Variants in LMO3 observed in about 807,000 individuals in gnomAD.
The protein encoded by LMO3 is LIM domain only 3, also known as LIM domain only protein 3.
LMO3 carries 2 observed loss-of-function variants against 15.8 expected under a neutral mutation model. The observed-to-expected ratio is 0.13, with a 90% confidence interval of 0.05 to 0.40. The LOEUF is 0.40. LMO3 is among the 10% of genes least tolerant of loss of function. LMO3 has a pLI of 0.99. For missense variants in LMO3, 86 were observed against 182.2 expected, an observed-to-expected ratio of 0.47 and a Z score of 3.04; for synonymous variants, 62 against 63.8, an observed-to-expected ratio of 0.97 and a Z score of 0.13.
chr12:16,551,932 G>A (rs1942004446), intron 3 of LMO3, among the ~76,000 whole-genome samples: 1 of 151,880 alleles, frequency 6.6e-6, no homozygotes, highest in Non-Finnish European at 1.5e-5. Context: ...TTTGTTTGTG[G>A]CAAGTTCACC....
chr12:16,575,659 G>C (rs550070175), intron 2 of LMO3, among the ~76,000 whole-genome samples: 1 of 152,236 alleles, frequency 6.6e-6, no homozygotes, highest in East Asian at 1.9e-4. Flanking sequence ...CACATAGATA[G>C]ATAATAGGAG....
intron 1 of LMO3, chr12:16,601,814 T>G (rs2137710350): frequency 6.6e-6 from 1 of 152,268 alleles, no homozygotes; most frequent in South Asian, 2.1e-4. Context: ...TCCATGGGCT[T>G]TACAGTTTGA....
chr12:16,558,810 A>G (rs1188411138), intron 3 of LMO3, among the ~76,000 whole-genome samples: 1 of 152,200 alleles, frequency 6.6e-6, no homozygotes, highest in African/African-American at 2.4e-5. Flanking sequence ...GGTAAATTAT[A>G]AAGATAACTA....
chr12:16,592,032 T>C (rs1326237014), intron 2 of LMO3, among the ~76,000 whole-genome samples: 1 of 152,046 alleles, frequency 6.6e-6, no homozygotes, highest in Non-Finnish European at 1.5e-5. Flanking sequence ...GAAAAATAAC[T>C]TGCTCTTAAG....
chr12:16,582,694 G>A lies in LMO3; in HGVS notation c.206+17961C>T, dbSNP rs761972819. Among the ~76,000 whole-genome samples, 14 of 152,076 alleles carry A rather than the reference G, an allele frequency of 9.2e-5. No homozygotes were observed. Among genetic ancestry groups the A allele is most frequent in the East Asian group, 5.8e-4 (3 of 5,186 alleles). ...ATAAGTATACCACAACAAGATCACC[G>A]TTCCTAGGTACGGTCCCTCACTCTT... On this transcript the variant is annotated intron_variant, in intron 2 of 3. Coordinates refer to ENST00000537304, the MANE Select transcript of LMO3 (RefSeq NM_018640.5). This position sits in a 1 kb window ranked among gnomAD's most constrained non-coding sequence, Gnocchi z 4.1.
At chr12:16,568,330 A>T (rs1942690615) in intron 2 of LMO3, among the ~76,000 whole-genome samples, 1 of 152,220 alleles carries the variant, frequency 6.6e-6, no homozygotes, top group Admixed American at 6.5e-5. Context: ...GACTTGAGAT[A>T]CTCAGAGAAA....
At chr12:16,551,941 C>A (rs891509294) in intron 3 of LMO3, among the ~76,000 whole-genome samples, 2 of 151,924 alleles carry the variant, frequency 1.3e-5, no homozygotes, top group Non-Finnish European at 2.9e-5. Flanking sequence ...GGCAAGTTCA[C>A]CAACATGAAA....
rs1218262223 is a variant in LMO3, at chr12:16,603,009, C to T, written c.-8-2141G>A. ...GAAAAATCGAAAAAAAAAAAAATCCCAGTAGCAGCTAAGTTATATTTCCCA... is the reference window on the plus strand; with the variant it reads ...GAAAAATCGAAAAAAAAAAAAATCCTAGTAGCAGCTAAGTTATATTTCCCA... On this transcript the variant is annotated intron_variant, in intron 1 of 3. Coordinates refer to ENST00000537304, the MANE Select transcript of LMO3 (RefSeq NM_018640.5). The surrounding 1 kb of genome is among the most constrained non-coding windows in gnomAD (Gnocchi z 4.9). Among the ~76,000 whole-genome samples the T allele has an allele frequency of 6.6e-6, 1 of 151,854 alleles. No homozygotes were observed. Among genetic ancestry groups the T allele is most frequent in the African/African-American group, 2.4e-5 (1 of 41,338 alleles).
At chr12:16,590,016 A>G (rs1232875205) in intron 2 of LMO3, among the ~76,000 whole-genome samples, 3 of 152,088 alleles carry the variant, frequency 2.0e-5, no homozygotes, top group African/African-American at 7.2e-5. Context: ...TATAAGATTC[A>G]AAGCACATTT....
At chr12:16,562,051 T>A (rs943682186) in intron 2 of LMO3, among the ~76,000 whole-genome samples, 4 of 152,326 alleles carry the variant, frequency 2.6e-5, no homozygotes, top group Admixed American at 6.5e-5. Flanking sequence ...CCTTTTGTAA[T>A]CTGTATTTTG....
At chr12:16,581,689 C>T (rs1943163864) in intron 2 of LMO3, among the ~76,000 whole-genome samples, 1 of 152,050 alleles carries the variant, frequency 6.6e-6, no homozygotes, top group South Asian at 2.1e-4. Context: ...TTCTGTGATA[C>T]TTATCTAGCA....
intron 3 of LMO3, among the ~76,000 whole-genome samples, chr12:16,553,228 C>T (rs140019302): frequency 2.6e-4 from 39 of 152,090 alleles, no homozygotes; most frequent in African/African-American, 9.2e-4. Flanking sequence ...ATTTCAAAGC[C>T]CTGCCCAAGA....
At chr12:16,561,297 C>T (rs1705699066) in intron 2 of LMO3, among the ~76,000 whole-genome samples, 1 of 152,082 alleles carries the variant, frequency 6.6e-6, no homozygotes, top group South Asian at 2.1e-4. Context: ...AATATTTTAT[C>T]CATTTGCACT....
intron 2 of LMO3, among the ~76,000 whole-genome samples, chr12:16,577,484 C>T (rs1370198338): frequency 1.3e-5 from 2 of 151,898 alleles, no homozygotes; most frequent in Admixed American, 6.6e-5. Flanking sequence ...TATTCTACCC[C>T]ACTCCCTCCT....
chr12:16,562,029 C>T (rs148509238), intron 2 of LMO3, among the ~76,000 whole-genome samples: 2 of 152,124 alleles, frequency 1.3e-5, no homozygotes, highest in Admixed American at 6.5e-5. Flanking sequence ...ACCCAAGTAA[C>T]CTTCATGTTC....
chr12:16,598,970 G>A lies in LMO3; in HGVS notation c.206+1685C>T, dbSNP rs577814723. The A allele has an allele frequency of 9.8e-4, 292 of 297,048 alleles. 4 individuals carry two copies. Among genetic ancestry groups the A allele is most frequent in the South Asian group, 8.5e-3 (277 of 32,492 alleles). The allele number at this position is 297,048 out of a possible 1,614,324, so 18.4% of individuals were successfully genotyped here. ...GTAACATAAATCCACTTGAGATACTGAAATTACAAACAAATGTAAAAGTCA... is the reference window on the plus strand; with the variant it reads ...GTAACATAAATCCACTTGAGATACTAAAATTACAAACAAATGTAAAAGTCA... On this transcript the variant is annotated intron_variant, in intron 2 of 3. Transcript: ENST00000537304. This position sits in a 1 kb window ranked among gnomAD's most constrained non-coding sequence, Gnocchi z 4.3.
Position 16,559,686 on chromosome 12 carries a change from C to G in LMO3, c.332+727G>C, listed in dbSNP as rs1168984610. Among the ~76,000 whole-genome samples, 1 of 151,882 alleles carries G rather than the reference C, an allele frequency of 6.6e-6. No homozygotes were observed. Among genetic ancestry groups the G allele is most frequent in the Non-Finnish European group, 1.5e-5 (1 of 68,006 alleles). On this transcript the variant is annotated intron_variant, in intron 3 of 3. Transcript: ENST00000537304. This position sits in a 1 kb window ranked among gnomAD's most constrained non-coding sequence, Gnocchi z 4.1. ...GCTAGATTGGGTGGGGGTGGTGGCT[C>G]ATGCCTATAATCCCTGCACTTTGGG... is the stretch of plus-strand genomic sequence containing the variant.
chr12:16,552,512 G>A (rs1942027749), intron 3 of LMO3, among the ~76,000 whole-genome samples: 1 of 152,058 alleles, frequency 6.6e-6, no homozygotes, highest in Admixed American at 6.5e-5. Context: ...TAGACAAACA[G>A]TGAACCTATT....
intron 2 of LMO3, among the ~76,000 whole-genome samples, chr12:16,581,696 A>T (rs887791257): frequency 6.6e-6 from 1 of 152,188 alleles, no homozygotes; most frequent in Non-Finnish European, 1.5e-5. Flanking sequence ...ATACTTATCT[A>T]GCAGGGAAGA....
Sources: gnomAD v4.1 joint callset for allele counts (sites outside exome capture counted in the v4.1 genomes callset) on GRCh38, gnomAD v4.1.1 for gene constraint, Gnocchi (gnomAD v3.1) non-coding constraint, MANE v1.5 for transcripts, NCBI Gene and HGNC (gene_info 2026-07-23, HGNC 2026-07-21) for gene names.